RNF220: variants seen among roughly 807,000 people sequenced by gnomAD.
RNF220 encodes the protein ring finger protein 220, also known as E3 ubiquitin-protein ligase RNF220.
A neutral mutation model predicts 67.1 loss-of-function variants in RNF220; 7 were observed. That is an observed-to-expected ratio of 0.10 (90% CI 0.06 to 0.20). RNF220 has a LOEUF of 0.20. Ranked by LOEUF, RNF220 falls within the 10% of genes least tolerant of loss-of-function variation. The pLI is 1.00. For missense variants in RNF220, 565 were observed against 740.3 expected, an observed-to-expected ratio of 0.76 and a Z score of 2.75; for synonymous variants, 270 against 283.2, an observed-to-expected ratio of 0.95 and a Z score of 0.47.
At chr1:44,614,072 C>A in intron 2 of RNF220, 93 bp from the exon 3 acceptor site, 1 of 1,547,988 alleles carries the variant, frequency 6.5e-7, no homozygotes, top group Non-Finnish European at 8.8e-7. Flanking sequence ...CCCTAGAGGG[C>A]AGCAGCAGGC....
In RNF220 at chr1:44,454,046, A is replaced by T. The variant is rs556745665; in HGVS notation, c.625+41324A>T. 3.9e-5 allele frequency among the ~76,000 whole-genome samples: 6 copies of T among 152,352 alleles called. No homozygotes were observed. The South Asian group carries it at 1.0e-3, about 26-fold the overall frequency. ...TTGTATGAGAGAATGAGAGGGAAAG[A>T]GTCAAAACATCTTAGTATCATTATC... On this transcript the variant is annotated intron_variant, in intron 2 of 14. Transcript: ENST00000361799.
At chr1:44,595,762 TTATTTA>T (rs1251771802) in intron 2 of RNF220, among the ~76,000 whole-genome samples, 2 of 152,038 alleles carry the variant, frequency 1.3e-5, no homozygotes, top group African/African-American at 4.8e-5. Flanking sequence ...TATTTTATTT[TTATTTA>T]TTTTTTATTT....
Position 44,649,415 on chromosome 1 carries a change from T to G in RNF220, c.1446-246T>G. 1.8e-6 allele frequency: 1 copy of G among 547,916 alleles called. No homozygotes were observed. 33.9% of individuals were successfully genotyped at this position (547,916 alleles called of 1,614,324 possible). A position where few individuals can be genotyped will look rare whatever the true frequency, so the allele number is the denominator to read the frequency against. On this transcript the variant is annotated intron_variant, in intron 12 of 14. Transcript: ENST00000361799. The surrounding 1 kb of genome is among the most constrained non-coding windows in gnomAD (Gnocchi z 5.9). Reference sequence around the variant, plus strand: ...GGTGGTTGGGAAGACTGCGAAGGAGTGGTTGAAAATGGTTCCCTGGTATCT... The same window carrying G: ...GGTGGTTGGGAAGACTGCGAAGGAGGGGTTGAAAATGGTTCCCTGGTATCT...
chr1:44,575,352 T>C (rs918416557), intron 2 of RNF220, among the ~76,000 whole-genome samples: 1 of 152,234 alleles, frequency 6.6e-6, no homozygotes, highest in East Asian at 1.9e-4. Context: ...TGACAGGATT[T>C]CATTTTTTTA....
Position 44,600,322 on chromosome 1 carries a change from G to C in RNF220, c.626-13843G>C, listed in dbSNP as rs149347858. Among the ~76,000 whole-genome samples the C allele has an allele frequency of 2.9e-3, 437 of 152,310 alleles. 3 individuals carry two copies. Among genetic ancestry groups the C allele is most frequent in the African/African-American group, 9.8e-3 (409 of 41,562 alleles). On this transcript the variant is annotated intron_variant, in intron 2 of 14. Coordinates refer to ENST00000361799, the MANE Select transcript of RNF220 (RefSeq NM_018150.4). The surrounding 1 kb of genome is among the most constrained non-coding windows in gnomAD (Gnocchi z 4.0). Reference sequence around the variant, plus strand: ...GAGGGAATGAAACCAGAGTTTCAGAGATCACACATAGAGTGTGGAGAGAGG... The same window carrying C: ...GAGGGAATGAAACCAGAGTTTCAGACATCACACATAGAGTGTGGAGAGAGG...
intron 2 of RNF220, among the ~76,000 whole-genome samples, chr1:44,486,911 T>C (rs1248758473): frequency 6.6e-6 from 1 of 152,204 alleles, no homozygotes; most frequent in Non-Finnish European, 1.5e-5. Context: ...AGATAATCCA[T>C]GCAAAAAGCC....
chr1:44,520,742 T>C (rs1659868392), intron 2 of RNF220, among the ~76,000 whole-genome samples: 1 of 152,242 alleles, frequency 6.6e-6, no homozygotes. Context: ...CTCATCTGTT[T>C]CCTAAACTAG....
chr1:44,482,424 T>C (rs755902020), intron 2 of RNF220, among the ~76,000 whole-genome samples: 28 of 152,214 alleles, frequency 1.8e-4, no homozygotes, highest in Non-Finnish European at 3.7e-4. Context: ...TCCAGTCCGT[T>C]CACCTTTTAG....
intron 2 of RNF220, among the ~76,000 whole-genome samples, chr1:44,562,206 T>G (rs139344167): frequency 9.1e-4 from 138 of 152,266 alleles, no homozygotes; most frequent in African/African-American, 3.1e-3. Flanking sequence ...GCATGAGGTC[T>G]GAACGTAGTT....
chr1:44,478,629 A>G (rs56408319), intron 2 of RNF220, among the ~76,000 whole-genome samples: 1 of 152,040 alleles, frequency 6.6e-6, no homozygotes, highest in African/African-American at 2.4e-5. Context: ...GGCTGAGGCA[A>G]GAGAATCACT....
At chr1:44,407,998 G>GT (rs1391533659) in intron 1 of RNF220, among the ~76,000 whole-genome samples, 7 of 152,256 alleles carry the variant, frequency 4.6e-5, no homozygotes, top group Non-Finnish European at 8.8e-5. Context: ...GTTGCCCAAA[G>GT]TTGGGCGCAG....
intron 2 of RNF220, among the ~76,000 whole-genome samples, chr1:44,480,198 G>T (rs1289059869): frequency 6.6e-6 from 1 of 152,188 alleles, no homozygotes; most frequent in East Asian, 1.9e-4. Flanking sequence ...GAGTCCAGGA[G>T]TTTGAGACCA....
At chr1:44,571,081 A>C (rs1400170784) in intron 2 of RNF220, among the ~76,000 whole-genome samples, 1 of 151,636 alleles carries the variant, frequency 6.6e-6, no homozygotes, top group Non-Finnish European at 1.5e-5. Context: ...CTGAAGAAAA[A>C]AAAAAAAGAT....
At chr1:44,561,209 T>A (rs1663541850) in intron 2 of RNF220, among the ~76,000 whole-genome samples, 1 of 152,160 alleles carries the variant, frequency 6.6e-6, no homozygotes, top group South Asian at 2.1e-4. Flanking sequence ...GTGAACTGAG[T>A]CTTTAAAAAA....
At chr1:44,625,186 C>A (rs1436741343) in intron 4 of RNF220, among the ~76,000 whole-genome samples, 1 of 152,218 alleles carries the variant, frequency 6.6e-6, no homozygotes, top group Non-Finnish European at 1.5e-5. Context: ...CCTTTCTGAG[C>A]TGAGGGCTGG....
intron 2 of RNF220, among the ~76,000 whole-genome samples, chr1:44,443,949 A>ATGTTTAT (rs1651818761): frequency 2.0e-5 from 3 of 152,130 alleles, no homozygotes; most frequent in Non-Finnish European, 2.9e-5. Context: ...AAATTAGCCG[A>ATGTTTAT]ACATGTTGGC....
Position 44,645,223 on chromosome 1 carries a change from G to A in RNF220, c.1313G>A (p.Gly438Asp). The A allele has an allele frequency of 6.2e-7, 1 of 1,614,054 alleles. No individual in the cohort carries two copies. Residue 438 changes from glycine to aspartate, a missense_variant and splice_region_variant, in exon 11 of 15, where the codon GGC (glycine) becomes GAC (aspartate). Transcript: ENST00000361799. The surrounding 1 kb of genome is among the most constrained non-coding windows in gnomAD (Gnocchi z 5.0). ...REALRGAVLN[G>D]GPPSTRITPE... ...TTTTCCTCCCTCCTTTCCTCCAGTGGCGGCCCTCCCAGCACGCGCATCACA... is the reference window on the plus strand; with the variant it reads ...TTTTCCTCCCTCCTTTCCTCCAGTGACGGCCCTCCCAGCACGCGCATCACA...
At chr1:44,488,423 C>T (rs1656537171) in intron 2 of RNF220, among the ~76,000 whole-genome samples, 1 of 152,212 alleles carries the variant, frequency 6.6e-6, no homozygotes, top group African/African-American at 2.4e-5. Flanking sequence ...GCCACCACAC[C>T]CGGCCATGCC....
At chr1:44,613,937 A>C (rs2148428324) in intron 2 of RNF220, among the ~76,000 whole-genome samples, 1 of 152,260 alleles carries the variant, frequency 6.6e-6, no homozygotes, top group South Asian at 2.1e-4. Flanking sequence ...GATGTGTCCT[A>C]ATAGATTTCT....
Sources: allele counts gnomAD v4.1 joint callset (sites outside exome capture counted in the v4.1 genomes callset), GRCh38; gene constraint gnomAD v4.1.1; non-coding constraint Gnocchi (gnomAD v3.1); transcripts MANE v1.5; gene names NCBI Gene and HGNC (gene_info 2026-07-23, HGNC 2026-07-21).